STX11: variants seen among roughly 807,000 people sequenced by gnomAD.
The protein encoded by STX11 is syntaxin-11.
A neutral mutation model predicts 19.9 loss-of-function variants in STX11; 21 were observed. That is an observed-to-expected ratio of 1.06 (90% CI 0.75 to 1.52). The LOEUF (loss-of-function observed/expected upper bound fraction) is 1.52. Ranked by LOEUF, STX11 falls within the 40% of genes most tolerant of loss-of-function variation. STX11 has a pLI of 0.00. For synonymous variants in STX11, 193 were observed against 174.4 expected (o/e 1.11, Z -0.84); for missense variants, 438 against 405.9 (o/e 1.08, Z -0.68).
Position 144,180,884 on chromosome 6 carries a change from A to T in STX11, c.-5-5739A>T, listed in dbSNP as rs1042718544. On this transcript the variant is annotated intron_variant, in intron 1 of 1. Coordinates refer to ENST00000367568, the MANE Select transcript of STX11 (RefSeq NM_003764.4). This position sits in a 1 kb window ranked among gnomAD's most constrained non-coding sequence, Gnocchi z 5.3. ...TAGAATATTTAACTAATAGAATATC[A>T]CCATCCTTCCTTGTTCCCTGTGAAT... 2.6e-5 allele frequency among the ~76,000 whole-genome samples: 4 copies of T among 152,196 alleles called. No individual in the cohort carries two copies. Among genetic ancestry groups the T allele is most frequent in the Non-Finnish European group, 5.9e-5 (4 of 68,026 alleles).
Position 144,190,705 on chromosome 6 carries a change from C to G in STX11, c.*3214C>G, listed in dbSNP as rs11963744. Among the ~76,000 whole-genome samples the G allele has an allele frequency of 0.043, 6,598 of 152,106 alleles. 488 individuals are homozygous for G. Among genetic ancestry groups the G allele is most frequent in the African/African-American group, 0.15 (6,280 of 41,442 alleles). On this transcript the variant is annotated 3_prime_UTR_variant, in exon 2 of 2. Transcript: ENST00000367568. ...CCAAAAACACGTAAGCAGGAAGCAGCTGTTCTGCTCAGCTTGGCAGGTGTT... is the reference window on the plus strand; with the variant it reads ...CCAAAAACACGTAAGCAGGAAGCAGGTGTTCTGCTCAGCTTGGCAGGTGTT...
At chr6:144,158,047 A>C (rs562696866) in intron 1 of STX11, among the ~76,000 whole-genome samples, 99 of 152,270 alleles carry the variant, frequency 6.5e-4, no homozygotes, top group African/African-American at 2.4e-3. Flanking sequence ...GATCCACTGG[A>C]ATAGAATCCA....
At chr6:144,168,092 G>T (rs772796222) in intron 1 of STX11, among the ~76,000 whole-genome samples, 1 of 152,228 alleles carries the variant, frequency 6.6e-6, no homozygotes, top group Admixed American at 6.5e-5. Flanking sequence ...CAGTCTGTAT[G>T]TGCAAATTAT....
At position 144,188,333 on chromosome 6, in the gene STX11, T is replaced by C. The variant is rs1802119323; in HGVS notation, c.*842T>C. 1 of 229,440 alleles carries C rather than the reference T, an allele frequency of 4.4e-6. No individual in the cohort carries two copies. The highest frequency in any genetic ancestry group is 2.3e-5 in the African/African-American group (1 of 44,262). 14.2% of individuals were successfully genotyped at this position (229,440 alleles called of 1,614,324 possible). A position where few individuals can be genotyped will look rare whatever the true frequency, so the allele number is the denominator to read the frequency against. ...TAATGATCAATTGGTTTAACTTCTT[T>C]TATGTAAGTATGGTATATAAATTTC... On this transcript the variant is annotated 3_prime_UTR_variant, in exon 2 of 2. Coordinates refer to ENST00000367568, the MANE Select transcript of STX11 (RefSeq NM_003764.4).
chr6:144,160,877 C>T lies in STX11; in HGVS notation c.-6+10174C>T, dbSNP rs2128748969. On this transcript the variant is annotated intron_variant, in intron 1 of 1. Coordinates refer to ENST00000367568, the MANE Select transcript of STX11 (RefSeq NM_003764.4). This position sits in a 1 kb window ranked among gnomAD's most constrained non-coding sequence, Gnocchi z 4.3. ...GATGTGTGAGGTCCTGTGATGACGA[C>T]CATTTGCCATGTATTTTCATATCTT... 6.6e-6 allele frequency among the ~76,000 whole-genome samples: 1 copy of T among 151,176 alleles called. No homozygotes were observed. The highest frequency in any genetic ancestry group is 1.5e-5 in the Non-Finnish European group (1 of 67,994).
chr6:144,187,564 G>C lies in STX11; in HGVS notation c.*73G>C. ...TGGGAAGGACGCACCAAAGCCGGGA[G>C]CTCTGCCCTGCAGGGAGTTGCCCCA... On this transcript the variant is annotated 3_prime_UTR_variant, in exon 2 of 2. Coordinates refer to ENST00000367568, the MANE Select transcript of STX11 (RefSeq NM_003764.4). This position sits in a 1 kb window ranked among gnomAD's most constrained non-coding sequence, Gnocchi z 5.6. 1 of 1,596,500 alleles carries C rather than the reference G, an allele frequency of 6.3e-7. No individual in the cohort carries two copies. Among genetic ancestry groups the C allele is most frequent in the South Asian group, 1.1e-5 (1 of 89,588 alleles).
At chr6:144,181,452 G>A (rs1434275540) in intron 1 of STX11, among the ~76,000 whole-genome samples, 1 of 151,834 alleles carries the variant, frequency 6.6e-6, no homozygotes, top group East Asian at 1.9e-4. Flanking sequence ...AAACTTAGCT[G>A]GGCGTGGTGG....
At chr6:144,164,671 G>T (rs1157118808) in intron 1 of STX11, among the ~76,000 whole-genome samples, 1 of 152,050 alleles carries the variant, frequency 6.6e-6, no homozygotes, top group African/African-American at 2.4e-5. Flanking sequence ...TGTAGATGTT[G>T]ATTCTATATA....
chr6:144,157,557 G>C (rs1158538994), intron 1 of STX11, among the ~76,000 whole-genome samples: 1 of 152,188 alleles, frequency 6.6e-6, no homozygotes, highest in Non-Finnish European at 1.5e-5. Flanking sequence ...AGCCCAGAAA[G>C]TTGTCATTTT....
In STX11 at chr6:144,153,533, C is replaced by T. The variant is rs1048533189; in HGVS notation, c.-6+2830C>T. Among the ~76,000 whole-genome samples, 2 of 152,074 alleles carry T rather than the reference C, an allele frequency of 1.3e-5. No homozygotes were observed. Among genetic ancestry groups the T allele is most frequent in the Admixed American group, 1.3e-4 (2 of 15,268 alleles). On this transcript the variant is annotated intron_variant, in intron 1 of 1. Transcript: ENST00000367568. This position sits in a 1 kb window ranked among gnomAD's most constrained non-coding sequence, Gnocchi z 5.0. Reference sequence around the variant, plus strand: ...CAGGAAGGGCCAGATCACAAAGGCCCCATGAGGGTTTAATAGTACTGAAGC... The same window carrying T: ...CAGGAAGGGCCAGATCACAAAGGCCTCATGAGGGTTTAATAGTACTGAAGC...
Position 144,190,868 on chromosome 6 carries a change from C to CT in STX11, c.*3378dup, listed in dbSNP as rs1298367318. On this transcript the variant is annotated 3_prime_UTR_variant, in exon 2 of 2. Coordinates refer to ENST00000367568, the MANE Select transcript of STX11 (RefSeq NM_003764.4). ...CCTGGCCTATTCACCAAAGCCCTTC[C>CT]TGGCTCTGACTGCCACACCAGGCAG... is the stretch of plus-strand genomic sequence containing the variant. Among the ~76,000 whole-genome samples, 1 of 152,150 alleles carries CT rather than the reference C, an allele frequency of 6.6e-6. No individual in the cohort carries two copies. The highest frequency in any genetic ancestry group is 2.4e-5 in the African/African-American group (1 of 41,426).
At chr6:144,146,327 C>T (rs1800873177), upstream of STX11, among the ~76,000 whole-genome samples, 1 of 152,144 alleles carries the variant, frequency 6.6e-6, no homozygotes, top group South Asian at 2.1e-4. This position sits in a 1 kb window ranked among gnomAD's most constrained non-coding sequence, Gnocchi z 4.4. Context: ...CTGAAAAACT[C>T]CAGACTGGAA....
Position 144,159,780 on chromosome 6 carries a change from C to T in STX11, c.-6+9077C>T, listed in dbSNP as rs745500358. On this transcript the variant is annotated intron_variant, in intron 1 of 1. Transcript: ENST00000367568. This position sits in a 1 kb window ranked among gnomAD's most constrained non-coding sequence, Gnocchi z 4.3. ...ATTAATCTCAAGGATCTGATTACTA[C>T]GGCCTAGGAGGGTGCTTGACAGATT... 2.6e-5 allele frequency among the ~76,000 whole-genome samples: 4 copies of T among 152,172 alleles called. No homozygotes were observed. The highest frequency in any genetic ancestry group is 4.4e-5 in the Non-Finnish European group (3 of 68,028).
Position 144,184,822 on chromosome 6 carries a change from T to C in STX11, c.-5-1801T>C, listed in dbSNP as rs1801986973. Among the ~76,000 whole-genome samples, 1 of 152,260 alleles carries C rather than the reference T, an allele frequency of 6.6e-6. No homozygotes were observed. Among genetic ancestry groups the C allele is most frequent in the African/African-American group, 2.4e-5 (1 of 41,470 alleles). ...TTACATCTTCTCTGAATTGCTTCAC[T>C]GTCTTTGGGTAAGTAGATTTTTTGG... On this transcript the variant is annotated intron_variant, in intron 1 of 1. Transcript: ENST00000367568. The surrounding 1 kb of genome is among the most constrained non-coding windows in gnomAD (Gnocchi z 6.5).
At chr6:144,185,176 G>A (rs1247017833) in intron 1 of STX11, among the ~76,000 whole-genome samples, 1 of 152,138 alleles carries the variant, frequency 6.6e-6, no homozygotes, top group Non-Finnish European at 1.5e-5. Context: ...CTTAATTTAT[G>A]TAAATAATGA....
chr6:144,163,397 A>AC (rs1801395207), intron 1 of STX11, among the ~76,000 whole-genome samples: 1 of 152,108 alleles, frequency 6.6e-6, no homozygotes, highest in South Asian at 2.1e-4. Flanking sequence ...GCATAGCGAG[A>AC]CCCCATCTCT....
upstream of STX11, among the ~76,000 whole-genome samples, chr6:144,146,494 T>TAG (rs1800876227): frequency 6.6e-6 from 1 of 152,196 alleles, no homozygotes. The surrounding 1 kb of genome is among the most constrained non-coding windows in gnomAD (Gnocchi z 4.4). Context: ...GTATTTTTAG[T>TAG]AGAGACGGGG....
upstream of STX11, among the ~76,000 whole-genome samples, chr6:144,149,951 G>A (rs1282780107): frequency 2.0e-5 from 3 of 152,242 alleles, no homozygotes; most frequent in Non-Finnish European, 4.4e-5. This position sits in a 1 kb window ranked among gnomAD's most constrained non-coding sequence, Gnocchi z 5.1. Context: ...GCACACAAGG[G>A]GACGCTCAGT....
At position 144,155,994 on chromosome 6, in the gene STX11, CTT is replaced by C. The variant is rs1424732192; in HGVS notation, c.-6+5293_-6+5294del. ...TCTTTCTTTCTTTCTTTCTTTCTTTCTTTCTTTCTTTCTTTCTTTCTCTCTTT... is the reference window on the plus strand; with the variant it reads ...TCTTTCTTTCTTTCTTTCTTTCTTTCTCTTTCTTTCTTTCTTTCTCTCTTT... On this transcript the variant is annotated intron_variant, in intron 1 of 1. Transcript: ENST00000367568. The surrounding 1 kb of genome is among the most constrained non-coding windows in gnomAD (Gnocchi z 4.5). Among the ~76,000 whole-genome samples the C allele has an allele frequency of 6.3e-3, 832 of 131,072 alleles. 24 individuals carry two copies. The highest frequency in any genetic ancestry group is 0.028 in the African/African-American group (751 of 26,904). 86.0% of individuals were successfully genotyped at this position (131,072 alleles called of 152,430 possible). A position where few individuals can be genotyped will look rare whatever the true frequency, so the allele number is the denominator to read the frequency against.
Sources: gnomAD v4.1 joint callset for allele counts (sites outside exome capture counted in the v4.1 genomes callset) on GRCh38, gnomAD v4.1.1 for gene constraint, Gnocchi (gnomAD v3.1) non-coding constraint, MANE v1.5 for transcripts, NCBI Gene and HGNC (gene_info 2026-07-23, HGNC 2026-07-21) for gene names.